Variants in PTPN3 observed in about 807,000 individuals in gnomAD.
The protein encoded by PTPN3 is tyrosine-protein phosphatase non-receptor type 3.
PTPN3 carries 96 observed loss-of-function variants against 132.7 expected under a neutral mutation model. That is an observed-to-expected ratio of 0.72 (90% CI 0.61 to 0.86). PTPN3 has a LOEUF of 0.86. Among genes scored for constraint, PTPN3 ranks in the 40% least tolerant of loss-of-function variants. The pLI is 0.00. For missense variants in PTPN3, 1,125 were observed against 1,159.6 expected, an observed-to-expected ratio of 0.97 and a Z score of 0.43; for synonymous variants, 398 against 429.0, an observed-to-expected ratio of 0.93 and a Z score of 0.89.
chr9:109,410,515 T>G, intron 14 of PTPN3, 100 bp from the exon 15 acceptor site: 1 of 1,322,992 alleles, frequency 7.6e-7, no homozygotes, highest in Non-Finnish European at 1.1e-6. Flanking sequence ...GGCTGTATGT[T>G]TCCCTGGAAC....
intron 19 of PTPN3, among the ~76,000 whole-genome samples, chr9:109,394,967 G>A (rs536256108): frequency 1.3e-5 from 2 of 151,870 alleles, no homozygotes; most frequent in South Asian, 2.1e-4. Context: ...GTGAAACCCC[G>A]TCTCTACTAA....
chr9:109,430,004 A>AT (rs2131889818), intron 10 of PTPN3, among the ~76,000 whole-genome samples: 1 of 152,320 alleles, frequency 6.6e-6, no homozygotes, highest in African/African-American at 2.4e-5. Flanking sequence ...TACATATTAG[A>AT]TATTACCTAA....
chr9:109,441,500 C>T (rs530355613), intron 7 of PTPN3, among the ~76,000 whole-genome samples: 5 of 152,290 alleles, frequency 3.3e-5, no homozygotes, highest in African/African-American at 1.2e-4. Flanking sequence ...GTGGCCATCT[C>T]CACTGCTAGT....
intron 21 of PTPN3, among the ~76,000 whole-genome samples, chr9:109,390,424 T>C (rs1839967221): frequency 6.6e-6 from 1 of 152,138 alleles, no homozygotes; most frequent in Admixed American, 6.5e-5. Context: ...AATGCAAAGA[T>C]CACATATTAC....
intron 7 of PTPN3, among the ~76,000 whole-genome samples, chr9:109,439,857 C>T (rs79384225): frequency 1.5e-4 from 22 of 151,422 alleles, no homozygotes; most frequent in African/African-American, 4.6e-4. Context: ...TGCAGTGAAC[C>T]GAGACTGAGC....
At chr9:109,445,679 T>A (rs1844808281) in intron 6 of PTPN3, among the ~76,000 whole-genome samples, 1 of 152,182 alleles carries the variant, frequency 6.6e-6, no homozygotes, top group Non-Finnish European at 1.5e-5. Flanking sequence ...CTGAGACTCA[T>A]CATAGGGCTC....
the PTPN3 span, among the ~76,000 whole-genome samples, chr9:109,512,491 G>T: frequency 1.3e-5 from 2 of 152,210 alleles, no homozygotes; most frequent in East Asian, 1.9e-4. Context: ...TCATTTTTAC[G>T]TCAAGAAATG....
chr9:109,496,427 A>G (rs1588516370), intron 1 of PTPN3, among the ~76,000 whole-genome samples: 1 of 152,228 alleles, frequency 6.6e-6, no homozygotes, highest in East Asian at 1.9e-4. Flanking sequence ...GATGCAGAAG[A>G]AAAAGACCTG....
chr9:109,419,153 C>T (rs541457583), intron 14 of PTPN3, among the ~76,000 whole-genome samples: 1 of 152,216 alleles, frequency 6.6e-6, no homozygotes, highest in Admixed American at 6.5e-5. Flanking sequence ...ATCATCCAAG[C>T]TCAGGTCACA....
chr9:109,450,560 T>C (rs1845181106), intron 5 of PTPN3: 4 of 985,180 alleles, frequency 4.1e-6, no homozygotes, highest in Non-Finnish European at 4.8e-6. Flanking sequence ...CATGGCATCA[T>C]ACACAAAGAA....
At chr9:109,533,143 T>TTTTC in the PTPN3 span, among the ~76,000 whole-genome samples, 2 of 99,344 alleles carry the variant, frequency 2.0e-5, no homozygotes. Flanking sequence ...TTTTTTTTTT[T>TTTTC]TTTTTTTTTT....
rs868723910 is a variant in PTPN3, at chr9:109,410,393, C to T, written c.1336G>A (p.Ala446Thr). 1 of 1,613,920 alleles carries T rather than the reference C, an allele frequency of 6.2e-7. No individual in the cohort carries two copies. Among genetic ancestry groups the T allele is most frequent in the Non-Finnish European group, 8.5e-7 (1 of 1,179,974 alleles). ...GACTTCTGGGTCAGGTAGCTTTGTG[C>T]CGGATTGTTCTCGGATAAACTCCTT... ...HQESLSENNP[A>T]QSYLTQKSSS... is the part of the protein sequence containing the mutation. The change falls in exon 15 of 26, where the codon GCA becomes ACA. Residue 446 changes from alanine (A) to threonine (T), a missense_variant. Physicochemically the swap from Ala to Thr is moderately conservative, Grantham distance 58 (BLOSUM62 0). Coordinates refer to ENST00000374541, the MANE Select transcript of PTPN3 (RefSeq NM_002829.4).
At chr9:109,492,591 G>C (rs1847512504) in intron 1 of PTPN3, among the ~76,000 whole-genome samples, 4 of 152,196 alleles carry the variant, frequency 2.6e-5, no homozygotes. Context: ...AAAGGGAATA[G>C]GTGCAATTAT....
In PTPN3 at chr9:109,498,300, C is replaced by G. The variant is rs1468282590; in HGVS notation, c.-99G>C. On this transcript the variant is annotated 5_prime_UTR_variant, in exon 1 of 26. Coordinates refer to ENST00000374541, the MANE Select transcript of PTPN3 (RefSeq NM_002829.4). The surrounding 1 kb of genome is among the most constrained non-coding windows in gnomAD (Gnocchi z 4.2). ...AAGCTCGCTCGCGGCGCGACCTGGC[C>G]GCCGTCTGAGCATGCCCAGTGCCGC... The G allele has an allele frequency of 6.8e-6, 1 of 146,354 alleles. No individual in the cohort carries two copies. Among genetic ancestry groups the G allele is most frequent in the East Asian group, 2.0e-4 (1 of 5,062 alleles). The allele number at this position is 146,354 out of a possible 1,614,324, so 9.1% of individuals were successfully genotyped here.
chr9:109,475,974 C>G (rs188204075), intron 1 of PTPN3, among the ~76,000 whole-genome samples: 1 of 152,194 alleles, frequency 6.6e-6, no homozygotes, highest in African/African-American at 2.4e-5. Context: ...CTTACCCCCA[C>G]GAAGCATCAT....
chr9:109,461,156 C>A (rs1845827094), intron 2 of PTPN3, among the ~76,000 whole-genome samples: 1 of 152,188 alleles, frequency 6.6e-6, no homozygotes, highest in Non-Finnish European at 1.5e-5. Context: ...AGACAAGGTT[C>A]TGTAGAACCA....
intron 12 of PTPN3, among the ~76,000 whole-genome samples, chr9:109,426,190 T>C (rs1006674372): frequency 1.3e-5 from 2 of 150,324 alleles, no homozygotes; most frequent in South Asian, 2.1e-4. Context: ...TTAAAATGTA[T>C]ATACGAATTA....
intron 1 of PTPN3, among the ~76,000 whole-genome samples, chr9:109,483,580 C>T (rs535527595): frequency 1.3e-5 from 2 of 152,094 alleles, no homozygotes; most frequent in Non-Finnish European, 2.9e-5. Context: ...CGGCAGAAAG[C>T]GATGCCTTCT....
intron 22 of PTPN3, among the ~76,000 whole-genome samples, chr9:109,388,218 G>A (rs528583242): frequency 7.9e-5 from 12 of 152,336 alleles, no homozygotes; most frequent in African/African-American, 2.4e-4. Flanking sequence ...TGATGTGGAC[G>A]GGTTAGGGCC....
Sources: gnomAD v4.1 joint callset for allele counts (sites outside exome capture counted in the v4.1 genomes callset) on GRCh38, gnomAD v4.1.1 for gene constraint, Gnocchi (gnomAD v3.1) non-coding constraint, MANE v1.5 for transcripts, NCBI Gene and HGNC (gene_info 2026-07-23, HGNC 2026-07-21) for gene names.